PTPRJ: variants seen among roughly 807,000 people sequenced by gnomAD.
PTPRJ encodes the protein protein tyrosine phosphatase receptor type J.
Under a neutral mutation model 141.3 loss-of-function variants are expected in PTPRJ, and 129 were observed. That is an observed-to-expected ratio of 0.91 (90% CI 0.79 to 1.06). PTPRJ has a LOEUF of 1.06. Ranked by LOEUF, PTPRJ falls within the 50% of genes least tolerant of loss-of-function variation. The probability of loss-of-function intolerance (pLI) is 0.00; values close to 1 mark genes in which losing one functional copy is unlikely to be tolerated. For synonymous variants in PTPRJ, 610 were observed against 640.5 expected, an observed-to-expected ratio of 0.95 and a Z score of 0.72; for missense variants, 1,601 against 1,679.7, an observed-to-expected ratio of 0.95 and a Z score of 0.82.
chr11:48,083,381 A>G (rs1299358439), intron 1 of PTPRJ, among the ~76,000 whole-genome samples: 1 of 152,244 alleles, frequency 6.6e-6, no homozygotes, highest in Non-Finnish European at 1.5e-5. Context: ...GTGAGCTGAC[A>G]TCATGTCATT....
chr11:48,143,032 A>G lies in PTPRJ; in HGVS notation c.2557A>G (p.Ile853Val), dbSNP rs962237202. ...SHGPIKAYAV[I>V]LTTGEAGHPS... ...CGGACCCATCAAAGCCTATGCTGTC[A>G]TTCTCACCACCGGGGAAGGTAAGGA... The change falls in exon 12 of 25, where the codon ATT becomes GTT. Residue 853 changes from isoleucine (I) to valine (V), a missense_variant. Coordinates refer to ENST00000418331, the MANE Select transcript of PTPRJ (RefSeq NM_002843.4). 1.2e-6 allele frequency: 2 copies of G among 1,614,050 alleles called. No homozygotes were observed. Among genetic ancestry groups the G allele is most frequent in the African/African-American group, 2.7e-5 (2 of 74,940 alleles).
Position 48,126,045 on chromosome 11 carries a change from G to C in PTPRJ, c.1093+859G>C, listed in dbSNP as rs573723863. 2.0e-5 allele frequency among the ~76,000 whole-genome samples: 3 copies of C among 152,172 alleles called. No individual in the cohort carries two copies. The South Asian group carries it at 6.2e-4, about 32-fold the overall frequency. On this transcript the variant is annotated intron_variant, in intron 6 of 24. Transcript: ENST00000418331. Reference sequence around the variant, plus strand: ...TGGGTTAGTTGGAGGAGGAGGAAGGGGCTCCTATGTGGGTGCGGTTGGCAG... The same window carrying C: ...TGGGTTAGTTGGAGGAGGAGGAAGGCGCTCCTATGTGGGTGCGGTTGGCAG...
chr11:48,049,606 C>T (rs780946215), intron 1 of PTPRJ, among the ~76,000 whole-genome samples: 6 of 148,332 alleles, frequency 4.0e-5, no homozygotes, highest in Non-Finnish European at 7.4e-5. Flanking sequence ...TCCATGTACT[C>T]GGGAGGCTGA....
intron 1 of PTPRJ, among the ~76,000 whole-genome samples, chr11:48,054,176 T>C (rs12272622): frequency 0.019 from 2,916 of 151,964 alleles, 96 homozygotes; most frequent in African/African-American, 0.067. Context: ...TCAGGTGATT[T>C]GCCCGCCTTG....
chr11:47,996,356 AGAG>A (rs1248944399), intron 1 of PTPRJ, among the ~76,000 whole-genome samples: 1 of 150,702 alleles, frequency 6.6e-6, no homozygotes, highest in Non-Finnish European at 1.5e-5. Context: ...AAAAAAAAAA[AGAG>A]GAACTTGGGA....
chr11:48,066,672 G>A (rs1280806699), intron 1 of PTPRJ, among the ~76,000 whole-genome samples: 4 of 151,510 alleles, frequency 2.6e-5, no homozygotes, highest in Admixed American at 6.6e-5. Context: ...TGCAACCTCC[G>A]CCTCCCAGGT....
chr11:48,009,874 C>T (rs917194957), intron 1 of PTPRJ, among the ~76,000 whole-genome samples: 1 of 152,206 alleles, frequency 6.6e-6, no homozygotes, highest in Non-Finnish European at 1.5e-5. Flanking sequence ...CTTCATGTGC[C>T]GTGGCTCTGA....
intron 19 of PTPRJ, among the ~76,000 whole-genome samples, chr11:48,154,529 A>G (rs543598813): frequency 6.6e-6 from 1 of 152,344 alleles, no homozygotes; most frequent in Admixed American, 6.5e-5. Flanking sequence ...AGTTCCTTGT[A>G]ATCTCTCTTT....
intron 1 of PTPRJ, among the ~76,000 whole-genome samples, chr11:48,084,159 G>T (rs537240530): frequency 6.6e-5 from 10 of 152,012 alleles, no homozygotes; most frequent in South Asian, 4.1e-4. Context: ...CTAGTTTTTT[G>T]TTGTTGTTGT....
At chr11:48,112,233 A>G (rs1488878263) in intron 2 of PTPRJ, among the ~76,000 whole-genome samples, 2 of 152,260 alleles carry the variant, frequency 1.3e-5, no homozygotes, top group East Asian at 1.9e-4. Flanking sequence ...AGTTAGTCAC[A>G]TGCAACATCT....
chr11:48,070,603 G>A (rs1252184849), intron 1 of PTPRJ, among the ~76,000 whole-genome samples: 1 of 151,776 alleles, frequency 6.6e-6, no homozygotes, highest in African/African-American at 2.4e-5. Context: ...TGTGGGTGGA[G>A]TAGTACTCAC....
intron 1 of PTPRJ, among the ~76,000 whole-genome samples, chr11:48,061,909 GT>G (rs551934826): frequency 0.013 from 1,742 of 134,606 alleles, 21 homozygotes; most frequent in Middle Eastern, 0.03. Flanking sequence ...CCAACTTATA[GT>G]TTTTTTTTTT....
At chr11:48,035,366 A>G (rs1854093472) in intron 1 of PTPRJ, among the ~76,000 whole-genome samples, 1 of 152,154 alleles carries the variant, frequency 6.6e-6, no homozygotes, top group Admixed American at 6.5e-5. Context: ...GATTAGGCAG[A>G]TGTATACATA....
At chr11:48,065,466 A>G (rs1382466246) in intron 1 of PTPRJ, among the ~76,000 whole-genome samples, 2 of 151,894 alleles carry the variant, frequency 1.3e-5, no homozygotes, top group Non-Finnish European at 2.9e-5. Context: ...TTTTCCCATT[A>G]CACAGATTCA....
intron 1 of PTPRJ, among the ~76,000 whole-genome samples, chr11:47,994,693 TA>T (rs898358402): frequency 6.6e-6 from 1 of 151,520 alleles, no homozygotes; most frequent in East Asian, 1.9e-4. Flanking sequence ...ATAAATAAAA[TA>T]AAAAAACAAT....
At chr11:48,012,853 C>G (rs1854841868) in intron 1 of PTPRJ, among the ~76,000 whole-genome samples, 1 of 152,020 alleles carries the variant, frequency 6.6e-6, no homozygotes, top group Non-Finnish European at 1.5e-5. Context: ...GCCTGTAATC[C>G]CAGCACTTTG....
At chr11:48,069,445 ATTT>A (rs35405916) in intron 1 of PTPRJ, among the ~76,000 whole-genome samples, 4,110 of 121,224 alleles carry the variant, frequency 0.034, 138 homozygotes, top group Middle Eastern at 0.051. Context: ...TACATTGATA[ATTT>A]TTTTTTTTTT....
intron 1 of PTPRJ, among the ~76,000 whole-genome samples, chr11:48,098,614 G>A (rs1481102132): frequency 1.1e-4 from 2 of 18,316 alleles, no homozygotes; most frequent in African/African-American, 1.8e-4. Context: ...TCCGCCTCCC[G>A]GGTTCACGCC....
At chr11:48,156,913 CAG>C (rs2134382337) in intron 21 of PTPRJ, among the ~76,000 whole-genome samples, 1 of 152,026 alleles carries the variant, frequency 6.6e-6, no homozygotes, top group South Asian at 2.1e-4. Flanking sequence ...AGCAAAATCT[CAG>C]ACTTATCCCT....
Sources: gnomAD v4.1 joint callset for allele counts (sites outside exome capture counted in the v4.1 genomes callset) on GRCh38, gnomAD v4.1.1 for gene constraint, MANE v1.5 for transcripts, NCBI Gene and HGNC (gene_info 2026-07-23, HGNC 2026-07-21) for gene names.